Variants in GNG2 observed in about 807,000 individuals in gnomAD.
The protein encoded by GNG2 is G protein subunit gamma 2.
Under a neutral mutation model 5.5 loss-of-function variants are expected in GNG2, and 5 were observed. The ratio of observed to expected loss-of-function variants is 0.91; its 90% CI spans 0.48 to 1.92. The LOEUF is 1.92. Ranked by LOEUF, GNG2 falls within the 30% of genes most tolerant of loss-of-function variation. GNG2 has a pLI of 0.01. For missense variants in GNG2, 55 were observed against 88.4 expected (o/e 0.62, Z 1.52); for synonymous variants, 28 against 32.0 (o/e 0.88, Z 0.42).
At chr14:51,906,667 T>C (rs935676055) in intron 2 of GNG2, among the ~76,000 whole-genome samples, 5 of 152,094 alleles carry the variant, frequency 3.3e-5, no homozygotes, top group African/African-American at 1.2e-4. Flanking sequence ...GAATTTGCAA[T>C]TGATCTGTCA....
chr14:51,892,376 A>G (rs1007240792), intron 2 of GNG2, among the ~76,000 whole-genome samples: 1 of 151,198 alleles, frequency 6.6e-6, no homozygotes, highest in Non-Finnish European at 1.5e-5. Context: ...CTATGGCGCG[A>G]TCTTGGCGCA....
chr14:51,948,461 G>A (rs570543594), intron 2 of GNG2, among the ~76,000 whole-genome samples: 64 of 152,290 alleles, frequency 4.2e-4, no homozygotes, highest in Middle Eastern at 3.4e-3. Context: ...AGAAACATTC[G>A]CTTCACAGAA....
intron 2 of GNG2, among the ~76,000 whole-genome samples, chr14:51,852,089 C>T (rs1305276344): frequency 2.6e-5 from 4 of 152,096 alleles, no homozygotes; most frequent in Non-Finnish European, 5.9e-5. Flanking sequence ...TGGCTGTGGT[C>T]TGGGTAAATT....
chr14:51,847,785 T>A (rs900867726), intron 2 of GNG2, among the ~76,000 whole-genome samples: 1 of 150,912 alleles, frequency 6.6e-6, no homozygotes, highest in Non-Finnish European at 1.5e-5. Context: ...CAACTAAAAT[T>A]GAGAATGTGC....
chr14:51,926,898 T>G (rs1180794580), intron 2 of GNG2, among the ~76,000 whole-genome samples: 1 of 152,176 alleles, frequency 6.6e-6, no homozygotes, highest in African/African-American at 2.4e-5. Context: ...ACAACAATGT[T>G]TTGTCTTTCC....
Position 51,915,285 on chromosome 14 carries a change from T to C in GNG2, c.-29-35365T>C, listed in dbSNP as rs554674418. Among the ~76,000 whole-genome samples the C allele has an allele frequency of 2.6e-5, 4 of 152,342 alleles. No homozygotes were observed. In the East Asian group the frequency reaches 7.7e-4, roughly 29 times the overall value. Reference sequence around the variant, plus strand: ...CATAGATAAGGATGGCAGCTTTGGATTGAGAAACTTCTATTTTGTCATATT... The same window carrying C: ...CATAGATAAGGATGGCAGCTTTGGACTGAGAAACTTCTATTTTGTCATATT... On this transcript the variant is annotated intron_variant, in intron 2 of 3. Transcript: ENST00000556766.
At chr14:51,907,073 G>A (rs1044894613) in intron 2 of GNG2, among the ~76,000 whole-genome samples, 1 of 152,116 alleles carries the variant, frequency 6.6e-6, no homozygotes, top group African/African-American at 2.4e-5. Context: ...ATCTTTTACA[G>A]GGACTCCGTG....
chr14:51,908,365 C>T (rs561255485), intron 2 of GNG2, among the ~76,000 whole-genome samples: 6 of 152,262 alleles, frequency 3.9e-5, no homozygotes, highest in Non-Finnish European at 7.4e-5. Flanking sequence ...ATGTGAATAC[C>T]AGGGCAGGGT....
At chr14:51,911,876 T>TG (rs58837490) in intron 2 of GNG2, among the ~76,000 whole-genome samples, 12,692 of 147,624 alleles carry the variant, frequency 0.086, 1,678 homozygotes, top group African/African-American at 0.17. Flanking sequence ...GTTTTTTTTT[T>TG]TTGTTGTTAT....
chr14:51,832,679 T>C, intron 2 of GNG2, among the ~76,000 whole-genome samples: 1 of 152,244 alleles, frequency 6.6e-6, no homozygotes, highest in Non-Finnish European at 1.5e-5. Flanking sequence ...CTTCTCCCTG[T>C]GTCCTCACAA....
At chr14:51,913,324 C>A (rs1374730828) in intron 2 of GNG2, 1 of 152,160 alleles carries the variant, frequency 6.6e-6, no homozygotes, top group Non-Finnish European at 1.5e-5. Flanking sequence ...GCACAGGAAA[C>A]ATGGCAAGAC....
intron 2 of GNG2, among the ~76,000 whole-genome samples, chr14:51,844,291 A>C (rs1194387081): frequency 6.6e-6 from 1 of 152,162 alleles, no homozygotes; most frequent in Non-Finnish European, 1.5e-5. Context: ...GTGTTTATTA[A>C]AACAATCTGG....
intron 1 of GNG2, among the ~76,000 whole-genome samples, chr14:51,866,071 T>G (rs963847720): frequency 2.6e-5 from 4 of 152,172 alleles, no homozygotes; most frequent in African/African-American, 9.7e-5. Flanking sequence ...TTGGCAAATA[T>G]GTGTAAACAG....
chr14:51,850,687 G>A (rs558962827), intron 2 of GNG2, among the ~76,000 whole-genome samples: 2 of 152,222 alleles, frequency 1.3e-5, no homozygotes, highest in Non-Finnish European at 2.9e-5. Context: ...AGGAAGCATG[G>A]TGCTGACATC....
intron 3 of GNG2, among the ~76,000 whole-genome samples, chr14:51,964,007 T>C (rs1453126572): frequency 1.3e-5 from 2 of 152,270 alleles, no homozygotes; most frequent in East Asian, 3.9e-4. Flanking sequence ...TACTTGGAAA[T>C]AGGGTATTTG....
At chr14:51,827,607 A>G in intron 1 of GNG2, 1 of 666,712 alleles carries the variant, frequency 1.5e-6, no homozygotes, top group South Asian at 1.6e-5. Flanking sequence ...TTGAGGTCAA[A>G]TAATTAAAGC....
intron 2 of GNG2, among the ~76,000 whole-genome samples, chr14:51,935,040 T>TTTTG: frequency 6.7e-6 from 1 of 149,470 alleles, no homozygotes; most frequent in Admixed American, 6.7e-5. Context: ...TTTTTTTTTT[T>TTTTG]TGGAGACGGA....
At position 51,827,565 on chromosome 14, in the gene GNG2, G is replaced by A. The variant is rs1041415841; in HGVS notation, c.-76-103G>A. On this transcript the variant is annotated intron_variant, in intron 1 of 3. Coordinates refer to the GNG2 transcript ENST00000553432. Reference sequence around the variant, plus strand: ...GAGTGGTATTTTTTGATGTCATACAGTTCCAGACTATAACTAGCTCAGCTT... The same window carrying A: ...GAGTGGTATTTTTTGATGTCATACAATTCCAGACTATAACTAGCTCAGCTT... 3 of 626,396 alleles carry A rather than the reference G, an allele frequency of 4.8e-6. No individual in the cohort carries two copies. The Admixed American group carries it at 7.6e-5, about 16-fold the overall frequency. The allele number at this position is 626,396 out of a possible 1,614,324, so 38.8% of individuals were successfully genotyped here. A position where few individuals can be genotyped will look rare whatever the true frequency, so the allele number is the denominator to read the frequency against.
At chr14:51,871,349 A>G (rs892857065) in intron 1 of GNG2, among the ~76,000 whole-genome samples, 2 of 150,804 alleles carry the variant, frequency 1.3e-5, no homozygotes, top group African/African-American at 4.8e-5. Context: ...AAAAGGTCCA[A>G]CTAGTCTTTT....
Sources: allele counts gnomAD v4.1 joint callset (sites outside exome capture counted in the v4.1 genomes callset), GRCh38; gene constraint gnomAD v4.1.1; transcripts MANE v1.5; gene names NCBI Gene and HGNC (gene_info 2026-07-23, HGNC 2026-07-21).